Variants in PODNL1 observed in about 807,000 individuals in gnomAD.
PODNL1 encodes podocan-like protein 1.
PODNL1 carries 50 observed loss-of-function variants against 45.1 expected under a neutral mutation model. The observed-to-expected ratio is 1.11, with a 90% confidence interval of 0.88 to 1.40. PODNL1 has a LOEUF of 1.40. Ranked by LOEUF, PODNL1 falls within the 40% of genes most tolerant of loss-of-function variation. The pLI is 0.00. For synonymous variants in PODNL1, 406 were observed against 372.5 expected (o/e 1.09, Z -1.04); for missense variants, 788 against 793.3 (o/e 0.99, Z 0.08).
rs915805552 is a variant in PODNL1, at chr19:13,933,190, C to T, written c.1033G>A (p.Val345Met). Residue 345 changes from valine (V) to methionine (M), a missense_variant, in exon 8 of 10, where the codon GTG (valine) becomes ATG (methionine). Coordinates refer to ENST00000588872, the MANE Select transcript of PODNL1 (RefSeq NM_001370095.3). The surrounding 1 kb of genome is among the most constrained non-coding windows in gnomAD (Gnocchi z 5.2). ...AGGCGGCGGGGCAGGGCTGGAGGCA[C>T]GCGGTCCAGCCCATTGCCATAGAGG... Reference protein sequence around the residue: ...LHLYGNGLDRVPPALPRRLRA... With the variant: ...LHLYGNGLDRMPPALPRRLRA... 13 of 1,535,130 alleles carry T rather than the reference C, an allele frequency of 8.5e-6. No homozygotes were observed. The highest frequency in any genetic ancestry group is 5.9e-5 in the Admixed American group (3 of 50,868).
chr19:13,934,374 A>G lies in PODNL1; in HGVS notation c.531T>C (p.Ala177=). The G allele has an allele frequency of 6.4e-7, 1 of 1,551,174 alleles. No homozygotes were observed. Among genetic ancestry groups the G allele is most frequent in the Non-Finnish European group, 8.7e-7 (1 of 1,149,816 alleles). ...VYLHNNQLSN[A]GLPPDAFRGS... is the part of the protein sequence containing the mutation. ...CGCGGAAGGCGTCGGGGGGCAGGCCAGCGTTGCTCAGCTGGTTGTTGTGGA... is the reference window on the plus strand; with the variant it reads ...CGCGGAAGGCGTCGGGGGGCAGGCCGGCGTTGCTCAGCTGGTTGTTGTGGA... Residue 177 remains alanine, a synonymous_variant, in exon 6 of 10, where the codon GCT becomes GCC. Coordinates refer to ENST00000588872, the MANE Select transcript of PODNL1 (RefSeq NM_001370095.3).
chr19:13,941,380 A>C (rs1009138625), upstream of PODNL1, among the ~76,000 whole-genome samples: 1 of 151,960 alleles, frequency 6.6e-6, no homozygotes, highest in East Asian at 1.9e-4. Flanking sequence ...AAAAAAAAAA[A>C]AAAAGTATAG....
At chr19:13,945,712 C>T (rs946257223) in intron 1 of PODNL1, among the ~76,000 whole-genome samples, 3 of 151,952 alleles carry the variant, frequency 2.0e-5, no homozygotes, top group Middle Eastern at 3.2e-3. Context: ...GTCTTGAACT[C>T]CTCACCTTGT....
Position 13,933,931 on chromosome 19 carries a change from G to T in PODNL1, c.714C>A (p.Leu238=). 6.2e-7 allele frequency: 1 copy of T among 1,612,894 alleles called. No homozygotes were observed. The highest frequency in any genetic ancestry group is 1.1e-5 in the South Asian group (1 of 90,702). Residue 238 remains leucine, a synonymous_variant, in exon 7 of 10, where the codon CTC becomes CTA. Coordinates refer to ENST00000588872, the MANE Select transcript of PODNL1 (RefSeq NM_001370095.3). The surrounding 1 kb of genome is among the most constrained non-coding windows in gnomAD (Gnocchi z 5.2). ...ALSRQTQLRE[L]YLQHNQLTDS... ...CTGTCAGCTGGTTGTGCTGGAGGTAGAGCTCACGGAGTTGAGTCTGGCGGC... is the reference window on the plus strand; with the variant it reads ...CTGTCAGCTGGTTGTGCTGGAGGTATAGCTCACGGAGTTGAGTCTGGCGGC...
Position 13,931,580 on chromosome 19 carries a change from T to G in PODNL1, c.*157A>C. The G allele has an allele frequency of 1.3e-6, 1 of 773,020 alleles. No individual in the cohort carries two copies. Among genetic ancestry groups the G allele is most frequent in the Non-Finnish European group, 1.8e-6 (1 of 569,656 alleles). 47.9% of individuals were successfully genotyped at this position (773,020 alleles called of 1,614,324 possible). A position where few individuals can be genotyped will look rare whatever the true frequency, so the allele number is the denominator to read the frequency against. On this transcript the variant is annotated 3_prime_UTR_variant, in exon 10 of 10. Transcript: ENST00000588872. ...GTCTGTGAGCCTGGAGTATGCCAGC[T>G]GTGTGCCTCTGTGTCTCGGCCAGTG...
At chr19:13,953,075 C>A in intron 1 of PODNL1, 1 of 1,550,426 alleles carries the variant, frequency 6.4e-7, no homozygotes, top group Non-Finnish European at 8.7e-7. Flanking sequence ...ATGTTCCTCT[C>A]CCTGCCCAAG....
upstream of PODNL1, among the ~76,000 whole-genome samples, chr19:13,941,825 G>A (rs1478790900): frequency 6.6e-6 from 1 of 152,064 alleles, no homozygotes; most frequent in African/African-American, 2.4e-5. Context: ...AGAAAAAAAA[G>A]TTAAGAAACA....
chr19:13,944,663 G>A (rs1248989771), intron 1 of PODNL1, among the ~76,000 whole-genome samples: 4 of 151,842 alleles, frequency 2.6e-5, no homozygotes, highest in Non-Finnish European at 5.9e-5. Context: ...TGCCAAGTTG[G>A]CCAGGCTGGT....
rs79805695 is a variant in PODNL1 at position 13,938,330 on chromosome 19, G to C, written c.-149C>G. ...ACCCCCCACAACAGCCTGTTCTCCC[G>C]GGGCTTTGGGGGAGCTGGCCCACCC... On this transcript the variant is annotated 5_prime_UTR_variant, in exon 1 of 10. Coordinates refer to ENST00000588872, the MANE Select transcript of PODNL1 (RefSeq NM_001370095.3). 0.19 allele frequency: 271,019 copies of C among 1,427,996 alleles called. 27,644 individuals are homozygous for C. Among genetic ancestry groups the C allele is most frequent in the Admixed American group, 0.37 (13,130 of 35,618 alleles). The allele number at this position is 1,427,996 out of a possible 1,614,324, so 88.5% of individuals were successfully genotyped here. A position where few individuals can be genotyped will look rare whatever the true frequency, so the allele number is the denominator to read the frequency against.
intron 1 of PODNL1, among the ~76,000 whole-genome samples, chr19:13,952,338 G>A (rs1243122769): frequency 2.0e-5 from 3 of 152,230 alleles, no homozygotes; most frequent in African/African-American, 7.2e-5. Flanking sequence ...CGGGCCGCGG[G>A]GGCTGTTACT....
At chr19:13,932,154 C>T in intron 8 of PODNL1, 42 bp from the exon 9 acceptor site, 1 of 1,235,638 alleles carries the variant, frequency 8.1e-7, no homozygotes, top group East Asian at 3.1e-5. Flanking sequence ...AGCCCCAGGC[C>T]TGGGCCACTC....
rs1971948894 is a variant in PODNL1 at position 13,931,698 on chromosome 19, T to A, written c.*39A>T. On this transcript the variant is annotated 3_prime_UTR_variant, in exon 10 of 10. Transcript: ENST00000588872. Reference sequence around the variant, plus strand: ...CTCCTCAGTCCACGGCCCAGCGGAGTCCCAGGAGTCTGAGCTGCTCTGCTG... The same window carrying A: ...CTCCTCAGTCCACGGCCCAGCGGAGACCCAGGAGTCTGAGCTGCTCTGCTG... The A allele has an allele frequency of 8.1e-7, 1 of 1,231,184 alleles. No homozygotes were observed. Among genetic ancestry groups the A allele is most frequent in the South Asian group, 4.1e-5 (1 of 24,266 alleles). 76.3% of individuals were successfully genotyped at this position (1,231,184 alleles called of 1,614,324 possible). A position where few individuals can be genotyped will look rare whatever the true frequency, so the allele number is the denominator to read the frequency against.
chr19:13,935,052 CTGTG>C (rs757407385), intron 5 of PODNL1, among the ~76,000 whole-genome samples: 2 of 145,772 alleles, frequency 1.4e-5, no homozygotes, highest in Non-Finnish European at 1.5e-5. Flanking sequence ...GTATGTGAGT[CTGTG>C]TGTGTGCTTG....
intron 5 of PODNL1, among the ~76,000 whole-genome samples, chr19:13,935,052 C>CTG (rs757407385): frequency 6.9e-6 from 1 of 145,772 alleles, no homozygotes; most frequent in Non-Finnish European, 1.5e-5. Flanking sequence ...GTATGTGAGT[C>CTG]TGTGTGTGTG....
At chr19:13,934,147 G>A in intron 6 of PODNL1, 107 bp downstream of exon 6, 1 of 1,374,900 alleles carries the variant, frequency 7.3e-7, no homozygotes, top group Non-Finnish European at 9.8e-7. Flanking sequence ...CTGACCACTG[G>A]CATTCTGAGG....
chr19:13,952,728 G>A (rs1028497790), intron 1 of PODNL1: 1 of 1,299,340 alleles, frequency 7.7e-7, no homozygotes, highest in Non-Finnish European at 9.8e-7. Flanking sequence ...GCGTTCGCGG[G>A]GTGAGGGGTT....
At chr19:13,943,416 A>C (rs1161301308), upstream of PODNL1, among the ~76,000 whole-genome samples, 1 of 152,098 alleles carries the variant, frequency 6.6e-6, no homozygotes, top group East Asian at 1.9e-4. Flanking sequence ...TCTCTGCCTC[A>C]GTTTCCACGT....
chr19:13,935,691 C>T lies in PODNL1; in HGVS notation c.494+30G>A, dbSNP rs568991640. 1.6e-4 allele frequency: 237 copies of T among 1,466,060 alleles called. 3 individuals carry two copies. In the South Asian group the frequency reaches 3.1e-3, roughly 19 times the overall value. The allele number at this position is 1,466,060 out of a possible 1,614,324, so 90.8% of individuals were successfully genotyped here. ...GGGCATGACACAGATGTATCTGAGG[C>T]CTGGGGGCCTGGGCTGGGCCAGGGT... is the stretch of plus-strand genomic sequence containing the variant. On this transcript the variant is annotated intron_variant, in intron 5 of 9. Transcript: ENST00000588872.
At chr19:13,935,139 TGTAA>T (rs1378922476) in intron 5 of PODNL1, among the ~76,000 whole-genome samples, 1 of 149,266 alleles carries the variant, frequency 6.7e-6, no homozygotes, top group Non-Finnish European at 1.5e-5. Context: ...TGTGAGTCTG[TGTAA>T]GTGTGTGTGT....
Sources: allele counts gnomAD v4.1 joint callset (sites outside exome capture counted in the v4.1 genomes callset), GRCh38; gene constraint gnomAD v4.1.1; non-coding constraint Gnocchi (gnomAD v3.1); transcripts MANE v1.5; gene names NCBI Gene and HGNC (gene_info 2026-07-23, HGNC 2026-07-21).